The following CD81 variants were observed in gnomAD, a reference collection of about 807,000 sequenced individuals.
CD81 encodes CD81 molecule.
Under a neutral mutation model 30.1 loss-of-function variants are expected in CD81, and 10 were observed. The observed-to-expected ratio is 0.33, with a 90% CI of 0.21 to 0.56. The LOEUF is 0.56. Among genes scored for constraint, CD81 ranks in the 20% least tolerant of loss-of-function variants. The pLI is 0.89. For missense variants in CD81, 263 were observed against 308.7 expected (o/e 0.85, Z 1.11); for synonymous variants, 147 against 126.4 (o/e 1.16, Z -1.10).
chr11:2,397,061 G>C lies in CD81; in HGVS notation c.*195G>C, dbSNP rs1850026155. On this transcript the variant is annotated 3_prime_UTR_variant, in exon 8 of 8. Coordinates refer to ENST00000263645, the MANE Select transcript of CD81 (RefSeq NM_004356.4). ...TTCAGGGCTGACGTCACATGTAGGT[G>C]GCGTGTATGAGTGGAGACGGGCCTG... is the stretch of plus-strand genomic sequence containing the variant. 1 of 639,966 alleles carries C rather than the reference G, an allele frequency of 1.6e-6. No individual in the cohort carries two copies. Among genetic ancestry groups the C allele is most frequent in the East Asian group, 2.8e-5 (1 of 36,276 alleles). 39.6% of individuals were successfully genotyped at this position (639,966 alleles called of 1,614,324 possible). A position where few individuals can be genotyped will look rare whatever the true frequency, so the allele number is the denominator to read the frequency against.
chr11:2,390,351 T>A lies in CD81; in HGVS notation c.67-61T>A, dbSNP rs898683863. On this transcript the variant is annotated intron_variant, in intron 1 of 7. Coordinates refer to ENST00000263645, the MANE Select transcript of CD81 (RefSeq NM_004356.4). ...GGCTGCTTAGGCCTTGCGTGTGGGGTGGGCGCACTCCCTGCTGCAGTGCTC... is the reference window on the plus strand; with the variant it reads ...GGCTGCTTAGGCCTTGCGTGTGGGGAGGGCGCACTCCCTGCTGCAGTGCTC... 2.6e-5 allele frequency: 34 copies of A among 1,296,506 alleles called. No homozygotes were observed. In the African/African-American group the frequency reaches 4.5e-4, roughly 17 times the overall value. The allele number at this position is 1,296,506 out of a possible 1,614,324, so 80.3% of individuals were successfully genotyped here. A position where few individuals can be genotyped will look rare whatever the true frequency, so the allele number is the denominator to read the frequency against.
intron 1 of CD81, among the ~76,000 whole-genome samples, chr11:2,384,472 G>A (rs1430404147): frequency 3.6e-5 from 5 of 137,548 alleles, no homozygotes; most frequent in African/African-American, 1.4e-4. Context: ...CTTGTGGGGT[G>A]GGGCATCTTG....
intron 1 of CD81, among the ~76,000 whole-genome samples, chr11:2,381,281 T>C (rs1194041473): frequency 6.6e-6 from 1 of 152,246 alleles, no homozygotes; most frequent in East Asian, 1.9e-4. Context: ...GGTATGGGCC[T>C]ACTTCCCCGG....
intron 1 of CD81, chr11:2,379,142 TGTG>T: frequency 2.2e-6 from 1 of 455,356 alleles, no homozygotes; most frequent in South Asian, 1.5e-5. Context: ...AGCCCAGGCA[TGTG>T]GGAGAGGCAC....
chr11:2,394,944 C>A, intron 3 of CD81, 28 bp from the exon 4 acceptor site: 1 of 1,607,706 alleles, frequency 6.2e-7, no homozygotes, highest in Non-Finnish European at 8.5e-7. Context: ...TGCCCTCTTT[C>A]CTCCCTCTGG....
chr11:2,396,384 T>G, intron 6 of CD81: 1 of 603,180 alleles, frequency 1.7e-6, no homozygotes, highest in Non-Finnish European at 3.0e-6. Context: ...ATGACCGTGA[T>G]CTCAGTGGAA....
rs374100694 is a variant in CD81, at chr11:2,390,452, G to T, written c.107G>T (p.Arg36Leu). ...GVILGVALWL[R>L]HDPQTTNLLY... Reference sequence around the variant, plus strand: ...ATCCTGGGTGTGGCCCTGTGGCTCCGCCATGACCCGCAGACCACCAACCTC... The same window carrying T: ...ATCCTGGGTGTGGCCCTGTGGCTCCTCCATGACCCGCAGACCACCAACCTC... Residue 36 changes from arginine to leucine, a missense_variant, in exon 2 of 8, where the codon CGC (arginine) becomes CTC (leucine). Around this residue, in one of 3 missense-constraint regions of CD81, gnomAD observed 84 missense variants for 98.2 expected, o/e 0.86. Coordinates refer to ENST00000263645, the MANE Select transcript of CD81 (RefSeq NM_004356.4). 6.2e-7 allele frequency: 1 copy of T among 1,612,784 alleles called. No individual in the cohort carries two copies. The highest frequency in any genetic ancestry group is 1.3e-5 in the African/African-American group (1 of 74,940).
chr11:2,391,926 C>T (rs1022886539), intron 2 of CD81: 4 of 152,240 alleles, frequency 2.6e-5, no homozygotes, highest in African/African-American at 9.7e-5. Context: ...GCCTCTTGCT[C>T]CCCGCTTCCC....
intron 1 of CD81, chr11:2,385,754 G>A (rs779624942): frequency 1.9e-6 from 1 of 529,198 alleles, no homozygotes; most frequent in South Asian, 1.6e-5. Context: ...GCCGGGCAGG[G>A]TTGCACCCAC....
chr11:2,381,142 C>T (rs1280053494), intron 1 of CD81, among the ~76,000 whole-genome samples: 2 of 152,242 alleles, frequency 1.3e-5, no homozygotes, highest in Non-Finnish European at 2.9e-5. Flanking sequence ...GGCTGTCTGG[C>T]TGCACAGCTT....
rs769181560 is a variant in CD81 at position 2,396,734 on chromosome 11, G to C, written c.648+20G>C. ...ATCATGGTGAGCGGGCGGGGGCGGAGGGCCTGCTCTCTGGGCTGCCCCTTC... is the reference window on the plus strand; with the variant it reads ...ATCATGGTGAGCGGGCGGGGGCGGACGGCCTGCTCTCTGGGCTGCCCCTTC... On this transcript the variant is annotated intron_variant, in intron 7 of 7. Coordinates refer to ENST00000263645, the MANE Select transcript of CD81 (RefSeq NM_004356.4). 4 of 1,611,610 alleles carry C rather than the reference G, an allele frequency of 2.5e-6. No individual in the cohort carries two copies. The highest frequency in any genetic ancestry group is 1.6e-4 in the Middle Eastern group (1 of 6,062).
intron 6 of CD81, chr11:2,396,254 A>G (rs1850000562): frequency 1.8e-6 from 1 of 567,238 alleles, no homozygotes. Context: ...GTGGGTGTGG[A>G]CGCCCCTGAC....
intron 3 of CD81, 55 bp downstream of exon 3, chr11:2,394,247 C>G (rs1397737334): frequency 3.4e-5 from 43 of 1,279,624 alleles, no homozygotes; most frequent in Non-Finnish European, 4.7e-5. Flanking sequence ...GGGGCTGCGT[C>G]TGGCCCTGAG....
At chr11:2,385,355 G>A (rs771151833) in intron 1 of CD81, among the ~76,000 whole-genome samples, 2 of 151,988 alleles carry the variant, frequency 1.3e-5, no homozygotes, top group African/African-American at 2.4e-5. Context: ...CCTCCTCCCC[G>A]TCCCAGGGCA....
At chr11:2,391,467 G>A (rs1269288918) in intron 2 of CD81, 1 of 152,306 alleles carries the variant, frequency 6.6e-6, no homozygotes, top group Non-Finnish European at 1.5e-5. Flanking sequence ...TCTTTGTCCA[G>A]TCACCCCAGG....
intron 1 of CD81, among the ~76,000 whole-genome samples, chr11:2,381,601 G>A (rs1357049416): frequency 1.3e-5 from 2 of 152,242 alleles, no homozygotes; most frequent in Non-Finnish European, 2.9e-5. Flanking sequence ...TAGAGTCCAG[G>A]CGCCTGTGCG....
chr11:2,396,536 C>A, intron 6 of CD81, 92 bp from the exon 7 acceptor site: 1 of 1,133,158 alleles, frequency 8.8e-7, no homozygotes, highest in Non-Finnish European at 1.3e-6. Flanking sequence ...CCCCTCTACG[C>A]TTTCTGTGGT....
intron 5 of CD81, 38 bp downstream of exon 5, chr11:2,395,558 C>G (rs374055445): frequency 6.6e-7 from 1 of 1,513,436 alleles, no homozygotes; most frequent in East Asian, 2.3e-5. Flanking sequence ...AGCAGGGCCC[C>G]GGGAACCCGG....
At chr11:2,390,066 C>T (rs180775681) in intron 1 of CD81, 22 of 416,350 alleles carry the variant, frequency 5.3e-5, no homozygotes, top group African/African-American at 3.2e-4. Flanking sequence ...TTTGTATGTC[C>T]CGTGCAATAT....
Sources: allele counts gnomAD v4.1 joint callset (sites outside exome capture counted in the v4.1 genomes callset), GRCh38; gene constraint gnomAD v4.1.1; regional missense constraint gnomAD v4.1.1; transcripts MANE v1.5; gene names NCBI Gene and HGNC (gene_info 2026-07-23, HGNC 2026-07-21).